The following KIAA0586 variants were observed in gnomAD, a reference collection of about 807,000 sequenced individuals.
KIAA0586 encodes the protein protein TALPID3.
Under a neutral mutation model 169.8 loss-of-function variants are expected in KIAA0586, and 144 were observed. The ratio of observed to expected loss-of-function variants is 0.85; its 90% CI spans 0.74 to 0.97. The LOEUF (loss-of-function observed/expected upper bound fraction) is 0.97, where lower values mean the gene tolerates loss of function less well. Ranked by LOEUF, KIAA0586 falls within the 50% of genes least tolerant of loss-of-function variation. The pLI, the probability that KIAA0586 is intolerant of heterozygous loss-of-function variation, is 0.00. For synonymous variants in KIAA0586, 625 were observed against 612.4 expected, an observed-to-expected ratio of 1.02 and a Z score of -0.30; for missense variants, 1,854 against 1,823.0, an observed-to-expected ratio of 1.02 and a Z score of -0.31.
At chr14:58,552,421 C>T (rs1322334232), downstream of KIAA0586, among the ~76,000 whole-genome samples, 1 of 152,052 alleles carries the variant, frequency 6.6e-6, no homozygotes, top group Non-Finnish European at 1.5e-5. Flanking sequence ...AGTACAGATG[C>T]CCCCTTATGA....
At chr14:58,528,703 C>G (rs894340104) in intron 29 of KIAA0586, among the ~76,000 whole-genome samples, 28 of 152,178 alleles carry the variant, frequency 1.8e-4, no homozygotes, top group African/African-American at 6.0e-4. Context: ...ACATTTAAAG[C>G]AGTGTGTAGA....
In KIAA0586 at chr14:58,547,923, T is replaced by C. The variant is rs1416947215; in HGVS notation, c.4638T>C (p.Asp1546=). 8 of 1,613,500 alleles carry C rather than the reference T, an allele frequency of 5.0e-6. No individual in the cohort carries two copies. The Admixed American group carries it at 8.3e-5, about 17-fold the overall frequency. Reference sequence around the variant, plus strand: ...AGGACATGGAGTCTTCGGGGGCAGATACCTTCTGAACGGGAAGAGACAGCC... The same window carrying C: ...AGGACATGGAGTCTTCGGGGGCAGACACCTTCTGAACGGGAAGAGACAGCC... ...MQEDMESSGA[D]TF is the part of the protein sequence containing the mutation. Residue 1546 remains aspartate, a synonymous_variant, in exon 31 of 31, where the codon GAT becomes GAC. Coordinates refer to ENST00000652326, the MANE Select transcript of KIAA0586 (RefSeq NM_001329943.3).
intron 2 of KIAA0586, among the ~76,000 whole-genome samples, chr14:58,430,271 A>T (rs2037251469): frequency 6.6e-6 from 1 of 151,768 alleles, no homozygotes; most frequent in Non-Finnish European, 1.5e-5. Flanking sequence ...GATCTTCGTG[A>T]TGTTGTGCCA....
At chr14:58,521,212 C>G (rs1595472162) in intron 29 of KIAA0586, 2 of 913,550 alleles carry the variant, frequency 2.2e-6, no homozygotes, top group Non-Finnish European at 3.4e-6. Context: ...GAAGCCTCAT[C>G]ATCCAACACA....
At chr14:58,486,451 G>A (rs1048698868) in intron 21 of KIAA0586, among the ~76,000 whole-genome samples, 7 of 151,952 alleles carry the variant, frequency 4.6e-5, no homozygotes, top group Admixed American at 4.6e-4. Context: ...TGATCCTTAG[G>A]GTATATACCC....
In KIAA0586 at chr14:58,453,690, C is replaced by T. The variant is rs538993822; in HGVS notation, c.1253+217C>T. ...CAAAATGCAGGTTATTAATTTCTAACGTATGGATTATTCATTTCTGATTAA... is the reference window on the plus strand; with the variant it reads ...CAAAATGCAGGTTATTAATTTCTAATGTATGGATTATTCATTTCTGATTAA... On this transcript the variant is annotated intron_variant, in intron 9 of 30. Transcript: ENST00000652326. Among the ~76,000 whole-genome samples, 10 of 151,860 alleles carry T rather than the reference C, an allele frequency of 6.6e-5. No homozygotes were observed. The East Asian group carries it at 7.7e-4, about 12-fold the overall frequency.
intron 10 of KIAA0586, 51 bp from the exon 11 acceptor site, chr14:58,457,708 T>G (rs1290473360): frequency 3.4e-6 from 4 of 1,182,358 alleles, no homozygotes; most frequent in Non-Finnish European, 4.8e-6. Context: ...TTATTTTGAT[T>G]AAAGGAATCG....
intron 30 of KIAA0586, 100 bp from the exon 31 acceptor site, chr14:58,547,681 C>CG: frequency 3.0e-6 from 3 of 990,204 alleles, no homozygotes; most frequent in Non-Finnish European, 4.5e-6. Flanking sequence ...ATTTGGAATC[C>CG]GCGCCCCCCC....
chr14:58,451,375 C>T (rs1253489823), intron 8 of KIAA0586, among the ~76,000 whole-genome samples: 15 of 151,884 alleles, frequency 9.9e-5, no homozygotes, highest in African/African-American at 2.4e-4. Flanking sequence ...TACAGGTGCA[C>T]GCCACCACAC....
rs370560098 is a variant in KIAA0586, at chr14:58,461,088, C to T, written c.1987C>T (p.Pro663Ser). The T allele has an allele frequency of 1.8e-5, 29 of 1,610,946 alleles. No homozygotes were observed. The African/African-American group carries it at 3.7e-4, about 21-fold the overall frequency. The change falls in exon 14 of 31, where the codon CCA becomes TCA. Residue 663 changes from proline to serine, a missense_variant. Physicochemically the swap from Pro to Ser is moderately conservative, Grantham distance 74. Coordinates refer to ENST00000652326, the MANE Select transcript of KIAA0586 (RefSeq NM_001329943.3). ...QGHRSTLKKG[P>S]YLRFNSPSPK... ...CCATCGAAGCACTCTTAAAAAAGGACCATATCTCAGATTTAATTCTCCATC... is the reference window on the plus strand; with the variant it reads ...CCATCGAAGCACTCTTAAAAAAGGATCATATCTCAGATTTAATTCTCCATC...
intron 26 of KIAA0586, among the ~76,000 whole-genome samples, chr14:58,496,380 C>G (rs1360169392): frequency 2.0e-5 from 3 of 152,090 alleles, no homozygotes; most frequent in Non-Finnish European, 4.4e-5. Flanking sequence ...TGCAAATATC[C>G]TAGAAAACAG....
chr14:58,497,854 G>A (rs1039642059), intron 26 of KIAA0586, among the ~76,000 whole-genome samples: 8 of 144,524 alleles, frequency 5.5e-5, no homozygotes, highest in African/African-American at 1.5e-4. Context: ...ATGCATACCA[G>A]CATTTAGTGG....
chr14:58,427,800 T>G lies in KIAA0586; in HGVS notation c.-465T>G. The G allele has an allele frequency of 6.6e-7, 1 of 1,507,338 alleles. No homozygotes were observed. The highest frequency in any genetic ancestry group is 8.8e-7 in the Non-Finnish European group (1 of 1,132,504). The allele number at this position is 1,507,338 out of a possible 1,614,324, so 93.4% of individuals were successfully genotyped here. Reference sequence around the variant, plus strand: ...AGGGGTGAATTTATGTTTCCGACGATTGCATCTGGAGGGGTGTGTAAGACT... The same window carrying G: ...AGGGGTGAATTTATGTTTCCGACGAGTGCATCTGGAGGGGTGTGTAAGACT... On this transcript the variant is annotated 5_prime_UTR_variant, in exon 1 of 31. Coordinates refer to ENST00000652326, the MANE Select transcript of KIAA0586 (RefSeq NM_001329943.3).
At chr14:58,458,610 C>T (rs1270661190) in intron 12 of KIAA0586, 65 bp downstream of exon 12, 4 of 812,614 alleles carry the variant, frequency 4.9e-6, no homozygotes. Context: ...TTCCAATTTA[C>T]AGGCATTACA....
intron 23 of KIAA0586, 90 bp from the exon 24 acceptor site, chr14:58,488,531 A>G (rs540072688): frequency 1.1e-4 from 157 of 1,426,330 alleles, no homozygotes; most frequent in Non-Finnish European, 1.4e-4. Context: ...TTGCTAAAGG[A>G]GACATAGTCT....
Position 58,467,872 on chromosome 14 carries a change from A to C in KIAA0586, c.2392A>C (p.Ile798Leu). The change falls in exon 16 of 31, where the codon ATT becomes CTT. Residue 798 changes from isoleucine to leucine, a missense_variant. Ile to Leu is a conservative substitution (Grantham distance 5, BLOSUM62 2). Transcript: ENST00000652326. The stretch of plus-strand genomic sequence containing the variant: ...TGGAGTAAAGAAACCTAACATAGCC[A>C]TTGTAGAAATGAAGTCAGAAAAAAA... ...ETGVKKPNIA[I>L]VEMKSEKKDP... The C allele has an allele frequency of 6.2e-7, 1 of 1,613,776 alleles. No homozygotes were observed. The highest frequency in any genetic ancestry group is 1.3e-5 in the African/African-American group (1 of 75,034).
At position 58,492,131 on chromosome 14, in the gene KIAA0586, A is replaced by G. The variant is rs1198360495; in HGVS notation, c.3859-13A>G. 3 of 1,498,416 alleles carry G rather than the reference A, an allele frequency of 2.0e-6. No individual in the cohort carries two copies. In the African/African-American group the frequency reaches 4.3e-5, roughly 21 times the overall value. The allele number at this position is 1,498,416 out of a possible 1,614,324, so 92.8% of individuals were successfully genotyped here. A position where few individuals can be genotyped will look rare whatever the true frequency, so the allele number is the denominator to read the frequency against. ...TAATTTATTTTTATTAATTGTCTTT[A>G]TGTTTCTTTTAGGAGGATGATCCTC... is the stretch of plus-strand genomic sequence containing the variant. On this transcript the variant is annotated splice_polypyrimidine_tract_variant and intron_variant, in intron 25 of 30. Transcript: ENST00000652326.
At chr14:58,447,260 G>A (rs1331387762) in intron 6 of KIAA0586, among the ~76,000 whole-genome samples, 1 of 151,842 alleles carries the variant, frequency 6.6e-6, no homozygotes, top group East Asian at 1.9e-4. Context: ...ATTTTTTTAG[G>A]TTTTTCTTGG....
At chr14:58,462,554 A>G (rs751226185) in intron 14 of KIAA0586, among the ~76,000 whole-genome samples, 1 of 152,228 alleles carries the variant, frequency 6.6e-6, no homozygotes, top group Non-Finnish European at 1.5e-5. Flanking sequence ...TGCCCGGCCT[A>G]GTGTAGCTTT....
Sources: gnomAD v4.1 joint callset for allele counts (sites outside exome capture counted in the v4.1 genomes callset) on GRCh38, gnomAD v4.1.1 for gene constraint, MANE v1.5 for transcripts, NCBI Gene and HGNC (gene_info 2026-07-23, HGNC 2026-07-21) for gene names.